GALNT7: variants seen among roughly 807,000 people sequenced by gnomAD.
GALNT7 encodes the protein N-acetylgalactosaminyltransferase 7.
GALNT7 carries 60 observed loss-of-function variants against 82.1 expected under a neutral mutation model. The ratio of observed to expected loss-of-function variants is 0.73; its 90% CI spans 0.59 to 0.91. GALNT7 has a LOEUF of 0.91. Ranked by LOEUF, GALNT7 falls within the 40% of genes least tolerant of loss-of-function variation. The probability of loss-of-function intolerance (pLI) is 0.00; values close to 1 mark genes in which losing one functional copy is unlikely to be tolerated. For synonymous variants in GALNT7, 243 were observed against 275.1 expected, an observed-to-expected ratio of 0.88 and a Z score of 1.15; for missense variants, 660 against 804.2, an observed-to-expected ratio of 0.82 and a Z score of 2.17.
rs1554023687 is a variant in GALNT7, at chr4:173,241,223, A to AAG, written c.127-6756_127-6755insGA. Among the ~76,000 whole-genome samples, 1,145 of 146,656 alleles carry AAG rather than the reference A, an allele frequency of 7.8e-3. 14 individuals are homozygous for AAG. Among genetic ancestry groups the AAG allele is most frequent in the African/African-American group, 0.024 (969 of 39,934 alleles). On this transcript the variant is annotated intron_variant, in intron 1 of 11. Coordinates refer to ENST00000265000, the MANE Select transcript of GALNT7 (RefSeq NM_017423.3). ...CCATCTCTATTTAAAAAAAAAAAAA[A>AAG]AAGAAAGAAAGAAAAGAAATAGTTG... is the stretch of plus-strand genomic sequence containing the variant.
intron 8 of GALNT7, among the ~76,000 whole-genome samples, chr4:173,309,946 A>C (rs1280496406): frequency 1.3e-5 from 2 of 152,232 alleles, no homozygotes; most frequent in African/African-American, 4.8e-5. Context: ...CTGAAAGAAA[A>C]ACTAAAAGAG....
chr4:173,224,395 C>T (rs1579927486), intron 1 of GALNT7, among the ~76,000 whole-genome samples: 1 of 152,144 alleles, frequency 6.6e-6, no homozygotes, highest in East Asian at 1.9e-4. Context: ...CTTCAAGGAA[C>T]CTCAGTTCTT....
chr4:173,241,411 T>C (rs1225935351), intron 1 of GALNT7, among the ~76,000 whole-genome samples: 5 of 152,192 alleles, frequency 3.3e-5, no homozygotes, highest in African/African-American at 1.2e-4. Flanking sequence ...CTGTAGTTGA[T>C]CATAATTACT....
chr4:173,248,102 G>C lies in GALNT7; in HGVS notation c.249G>C (p.Glu83Asp), dbSNP rs1734719555. The C allele has an allele frequency of 3.1e-6, 5 of 1,613,540 alleles. No homozygotes were observed. Among genetic ancestry groups the C allele is most frequent in the African/African-American group, 1.3e-5 (1 of 74,900 alleles). The change falls in exon 2 of 12, where the codon GAG (glutamate) becomes GAC (aspartate). Residue 83 changes from glutamate to aspartate, a missense_variant. By Grantham distance (45) the Glu-to-Asp change is conservative. Coordinates refer to ENST00000265000, the MANE Select transcript of GALNT7 (RefSeq NM_017423.3). Reference protein sequence around the residue: ...PHVEGVEVDLESIRRINKAKN... With the variant: ...PHVEGVEVDLDSIRRINKAKN... The stretch of plus-strand genomic sequence containing the variant: ...TTGAAGGAGTAGAAGTGGACTTAGA[G>C]TCTATTAGAAGAATAAACAAGGCCA...
At chr4:173,276,367 A>G (rs1488556961) in intron 2 of GALNT7, among the ~76,000 whole-genome samples, 1 of 152,144 alleles carries the variant, frequency 6.6e-6, no homozygotes, top group Admixed American at 6.5e-5. Flanking sequence ...CTTCACAGGG[A>G]TTGATTGATA....
chr4:173,295,250 G>T, intron 3 of GALNT7, 146 bp from the exon 4 acceptor site: 1 of 597,238 alleles, frequency 1.7e-6, no homozygotes, highest in South Asian at 2.2e-5. Context: ...AATATACTTC[G>T]CCTTCCTTCT....
chr4:173,175,285 A>G (rs542708604), intron 1 of GALNT7, among the ~76,000 whole-genome samples: 2 of 152,352 alleles, frequency 1.3e-5, no homozygotes, highest in Non-Finnish European at 2.9e-5. Flanking sequence ...CTTTGGGCCT[A>G]ATACATATTC....
At chr4:173,319,698 G>A (rs995413531) in intron 11 of GALNT7, among the ~76,000 whole-genome samples, 12 of 152,120 alleles carry the variant, frequency 7.9e-5, no homozygotes, top group Non-Finnish European at 1.5e-4. Context: ...ATATACATTT[G>A]TGTGTTAGAT....
chr4:173,289,543 G>A (rs1353168023), intron 2 of GALNT7, among the ~76,000 whole-genome samples: 3 of 152,226 alleles, frequency 2.0e-5, no homozygotes, highest in African/African-American at 7.2e-5. Context: ...TCTCTTATCA[G>A]TAAAGCTGTC....
intron 2 of GALNT7, among the ~76,000 whole-genome samples, chr4:173,253,062 C>T (rs1029925574): frequency 5.3e-5 from 8 of 151,934 alleles, no homozygotes; most frequent in South Asian, 2.1e-4. Context: ...ATCAGCTGGG[C>T]GTGTTGGCGC....
intron 1 of GALNT7, among the ~76,000 whole-genome samples, chr4:173,184,038 A>C: frequency 7.1e-6 from 1 of 140,008 alleles, no homozygotes; most frequent in Non-Finnish European, 1.5e-5. Flanking sequence ...ATTCCAGACG[A>C]TGGGCGGCCG....
chr4:173,320,552 T>C lies in GALNT7; in HGVS notation c.1837-1028T>C, dbSNP rs944863570. On this transcript the variant is annotated intron_variant, in intron 11 of 11. Coordinates refer to ENST00000265000, the MANE Select transcript of GALNT7 (RefSeq NM_017423.3). This position sits in a 1 kb window ranked among gnomAD's most constrained non-coding sequence, Gnocchi z 4.1. Reference sequence around the variant, plus strand: ...TCATTTGGTCTGATCTGAAATGTTGTTTTCGTTCAAGTATATGAGGGAAAC... The same window carrying C: ...TCATTTGGTCTGATCTGAAATGTTGCTTTCGTTCAAGTATATGAGGGAAAC... Among the ~76,000 whole-genome samples, 1 of 152,128 alleles carries C rather than the reference T, an allele frequency of 6.6e-6. No individual in the cohort carries two copies. The highest frequency in any genetic ancestry group is 1.5e-5 in the Non-Finnish European group (1 of 68,020).
chr4:173,177,667 C>A (rs1052475624), intron 1 of GALNT7, among the ~76,000 whole-genome samples: 2 of 152,098 alleles, frequency 1.3e-5, no homozygotes, highest in Non-Finnish European at 2.9e-5. Flanking sequence ...TCAACAAATT[C>A]AGATGTTAAA....
intron 2 of GALNT7, among the ~76,000 whole-genome samples, chr4:173,266,991 G>A (rs980285364): frequency 2.7e-5 from 4 of 150,534 alleles, no homozygotes; most frequent in Non-Finnish European, 3.0e-5. Context: ...TTAGCTGGAA[G>A]GAATAAGTTC....
chr4:173,217,943 A>G (rs1733522162), intron 1 of GALNT7, among the ~76,000 whole-genome samples: 1 of 152,208 alleles, frequency 6.6e-6, no homozygotes, highest in Admixed American at 6.5e-5. Context: ...GGTACTGACA[A>G]TTGTTTATAA....
intron 1 of GALNT7, among the ~76,000 whole-genome samples, chr4:173,209,662 A>G (rs1444001320): frequency 6.6e-6 from 1 of 152,154 alleles, no homozygotes; most frequent in Non-Finnish European, 1.5e-5. Context: ...CCCAGCCTCC[A>G]TCACTGCCTC....
intron 2 of GALNT7, among the ~76,000 whole-genome samples, chr4:173,288,589 C>T (rs911266097): frequency 2.0e-5 from 3 of 152,004 alleles, no homozygotes; most frequent in Non-Finnish European, 4.4e-5. Flanking sequence ...CTGTCCCCAG[C>T]GGAATAAAAT....
intron 2 of GALNT7, among the ~76,000 whole-genome samples, chr4:173,273,981 G>T (rs1735815892): frequency 6.6e-6 from 1 of 152,116 alleles, no homozygotes; most frequent in Non-Finnish European, 1.5e-5. Context: ...AAATATATTG[G>T]TGTTTGATAA....
chr4:173,210,039 A>C (rs573816203), intron 1 of GALNT7, among the ~76,000 whole-genome samples: 1 of 152,208 alleles, frequency 6.6e-6, no homozygotes, highest in East Asian at 1.9e-4. Flanking sequence ...AAGCCGAGGC[A>C]GGAGAAATCG....
Sources: gnomAD v4.1 joint callset for allele counts (sites outside exome capture counted in the v4.1 genomes callset) on GRCh38, gnomAD v4.1.1 for gene constraint, Gnocchi (gnomAD v3.1) non-coding constraint, MANE v1.5 for transcripts, NCBI Gene and HGNC (gene_info 2026-07-23, HGNC 2026-07-21) for gene names.